ABCA8: variants seen among roughly 807,000 people sequenced by gnomAD.
ABCA8 encodes ATP binding cassette subfamily A member 8.
In ABCA8, 177 loss-of-function variants were observed where a neutral mutation model predicts 192.3. That is an observed-to-expected ratio of 0.92 (90% confidence interval 0.81 to 1.04). The LOEUF (loss-of-function observed/expected upper bound fraction) is 1.04. ABCA8 is among the 50% of genes least tolerant of loss of function. The pLI is 0.00. For synonymous variants in ABCA8, 642 were observed against 690.2 expected (o/e 0.93, Z 1.09); for missense variants, 1,915 against 1,904.8 (o/e 1.01, Z -0.10).
chr17:68,894,966 C>CTA lies in ABCA8; in HGVS notation c.2810_2811dup (p.Ala938Ter). 6.2e-7 allele frequency: 1 copy of CTA among 1,613,618 alleles called. No homozygotes were observed. Among genetic ancestry groups the CTA allele is most frequent in the South Asian group, 1.1e-5 (1 of 91,024 alleles). The stretch of plus-strand genomic sequence containing the variant: ...GTTCCAAATGCATCCACTTCTAAAG[C>CTA]TATGTTCTGGTGCTCCACAGACTGT... On this transcript the variant is annotated frameshift_variant, in exon 22 of 40. Transcript: ENST00000586539. LOFTEE classifies it high-confidence loss of function.
rs540491916 is a variant in ABCA8, at chr17:68,929,588, G to T, written c.912C>A (p.Ser304Arg). The change falls in exon 8 of 40, where the codon AGC becomes AGA. Residue 304 changes from serine (S) to arginine (R), a missense_variant. Physicochemically the swap from Ser to Arg is moderately radical, Grantham distance 110. Coordinates refer to ENST00000586539, the MANE Select transcript of ABCA8 (RefSeq NM_001288985.2). ...IILSGFMVVFSLFLLYGLSLV... is the reference protein window; with the variant it reads ...IILSGFMVVFRLFLLYGLSLV... ...AAGATAATCCATACAGGAGAAAGAG[G>T]CTGAAGACTACCATGAAGCCAGACA... 6.2e-7 allele frequency: 1 copy of T among 1,613,576 alleles called. No individual in the cohort carries two copies. Among genetic ancestry groups the T allele is most frequent in the African/African-American group, 1.3e-5 (1 of 74,976 alleles).
chr17:68,928,971 A>T, intron 9 of ABCA8, 78 bp downstream of exon 9: 1 of 1,203,614 alleles, frequency 8.3e-7, no homozygotes, highest in Non-Finnish European at 1.1e-6. Flanking sequence ...CTGAGTTTGT[A>T]AATGATTACA....
At chr17:68,952,163 G>A (rs1330909254) in intron 1 of ABCA8, among the ~76,000 whole-genome samples, 3 of 152,080 alleles carry the variant, frequency 2.0e-5, no homozygotes, top group Admixed American at 6.6e-5. Flanking sequence ...ACAAACAAAT[G>A]CCTTCTAGTT....
intron 26 of ABCA8, chr17:68,886,672 A>G (rs1278346691): frequency 1.3e-5 from 2 of 155,200 alleles, no homozygotes; most frequent in African/African-American, 2.4e-5. Context: ...CCTTCCTCCC[A>G]TTATCAATCT....
At chr17:68,904,137 C>T (rs1426318862) in intron 19 of ABCA8, among the ~76,000 whole-genome samples, 1 of 151,668 alleles carries the variant, frequency 6.6e-6, no homozygotes, top group Non-Finnish European at 1.5e-5. Context: ...AAAAAATTAG[C>T]CGGGCGTGGT....
intron 24 of ABCA8, 101 bp downstream of exon 24, chr17:68,891,388 T>C: frequency 1.4e-6 from 1 of 724,522 alleles, no homozygotes; most frequent in Non-Finnish European, 2.2e-6. Flanking sequence ...CTGAATTGGC[T>C]GTTCAATTAA....
At chr17:68,921,159 T>A (rs945897192) in intron 13 of ABCA8, among the ~76,000 whole-genome samples, 1 of 151,734 alleles carries the variant, frequency 6.6e-6, no homozygotes, top group African/African-American at 2.4e-5. Flanking sequence ...ATGAGAACAC[T>A]TGGACACAGG....
At chr17:68,915,259 T>C (rs1163754762) in intron 17 of ABCA8, among the ~76,000 whole-genome samples, 1 of 151,964 alleles carries the variant, frequency 6.6e-6, no homozygotes, top group African/African-American at 2.4e-5. Context: ...CAGAGGTGAC[T>C]AAAGCTAAAA....
intron 31 of ABCA8, 141 bp downstream of exon 31, chr17:68,881,722 A>G (rs1598192122): frequency 3.0e-6 from 2 of 675,472 alleles, no homozygotes; most frequent in East Asian, 5.0e-5. Flanking sequence ...TAGAAATGAA[A>G]CATACAAAGG....
intron 21 of ABCA8, among the ~76,000 whole-genome samples, chr17:68,900,079 CAG>C (rs1344703120): frequency 1.3e-5 from 2 of 151,878 alleles, no homozygotes; most frequent in Non-Finnish European, 2.9e-5. Context: ...ACAAGGCAAA[CAG>C]AAAGAAATGA....
chr17:68,936,166 G>GT (rs1238665776), intron 5 of ABCA8, among the ~76,000 whole-genome samples: 4 of 151,726 alleles, frequency 2.6e-5, no homozygotes, highest in Non-Finnish European at 4.4e-5. Flanking sequence ...CTTTGCAGAA[G>GT]TTTTTTTTAG....
chr17:68,921,500 GA>G lies in ABCA8; in HGVS notation c.1502-9del, dbSNP rs931893585. ...AAATGTCAAATACCAGATCTAGGAA[GA>G]AAAAAAGAAAGGAAAGAAAGATAAG... On this transcript the variant is annotated splice_polypyrimidine_tract_variant and intron_variant, in intron 12 of 39. Transcript: ENST00000586539. 7 of 1,544,982 alleles carry G rather than the reference GA, an allele frequency of 4.5e-6. No individual in the cohort carries two copies. Among genetic ancestry groups the G allele is most frequent in the African/African-American group, 1.4e-5 (1 of 72,668 alleles).
At chr17:68,895,919 T>C (rs1024360728) in intron 21 of ABCA8, among the ~76,000 whole-genome samples, 3 of 152,066 alleles carry the variant, frequency 2.0e-5, no homozygotes, top group African/African-American at 7.2e-5. Flanking sequence ...ATCTCACGTG[T>C]AGGGCAGAGT....
rs772963789 is a variant in ABCA8, at chr17:68,868,296, C to T, written c.4767+5G>A. 80 of 1,613,336 alleles carry T rather than the reference C, an allele frequency of 5.0e-5. No homozygotes were observed. The highest frequency in any genetic ancestry group is 6.6e-5 in the Non-Finnish European group (78 of 1,179,518). On this transcript the variant is annotated splice_donor_5th_base_variant and intron_variant, in intron 39 of 39. Coordinates refer to ENST00000586539, the MANE Select transcript of ABCA8 (RefSeq NM_001288985.2). Reference sequence around the variant, plus strand: ...GGATGATACGAATCCCTAAAAATGACCCACCTGCTCCAGGGTAGACTGTGA... The same window carrying T: ...GGATGATACGAATCCCTAAAAATGATCCACCTGCTCCAGGGTAGACTGTGA...
intron 38 of ABCA8, among the ~76,000 whole-genome samples, 187 bp from the exon 39 acceptor site, chr17:68,868,543 C>T (rs535709370): frequency 2.2e-4 from 33 of 152,128 alleles, no homozygotes; most frequent in Non-Finnish European, 4.0e-4. Flanking sequence ...GGAGAAAAAG[C>T]GCTTGAATTA....
intron 2 of ABCA8, among the ~76,000 whole-genome samples, chr17:68,942,488 C>A (rs28636439): frequency 0.023 from 3,432 of 152,226 alleles, 126 homozygotes; most frequent in African/African-American, 0.078. Flanking sequence ...AAATTGTTTT[C>A]TCCAATGCAA....
intron 5 of ABCA8, among the ~76,000 whole-genome samples, chr17:68,935,560 ATATATATATT>A (rs1425749582): frequency 7.0e-6 from 1 of 143,066 alleles, no homozygotes; most frequent in Admixed American, 7.0e-5. Context: ...ATATATATAT[ATATATATATT>A]ATCTTCTTTA....
intron 2 of ABCA8, among the ~76,000 whole-genome samples, chr17:68,948,196 CA>C (rs1254838692): frequency 1.3e-5 from 2 of 152,070 alleles, no homozygotes; most frequent in Non-Finnish European, 2.9e-5. Context: ...AATAGTGCTG[CA>C]ATAAACATTA....
At chr17:68,928,981 A>G (rs2067779131) in intron 9 of ABCA8, 68 bp downstream of exon 9, 2 of 1,226,434 alleles carry the variant, frequency 1.6e-6, no homozygotes, top group Non-Finnish European at 1.1e-6. Flanking sequence ...AAATGATTAC[A>G]GCCTATGGAT....
Sources: gnomAD v4.1 joint callset for allele counts (sites outside exome capture counted in the v4.1 genomes callset) on GRCh38, gnomAD v4.1.1 for gene constraint, MANE v1.5 for transcripts, NCBI Gene and HGNC (gene_info 2026-07-23, HGNC 2026-07-21) for gene names.